Variants in ASIC2 observed in about 807,000 individuals in gnomAD.
The protein encoded by ASIC2 is acid sensing ion channel subunit 2, also known as acid-sensing ion channel 2.
ASIC2 carries 25 observed loss-of-function variants against 57.3 expected under a neutral mutation model. The observed-to-expected ratio is 0.44, with a 90% CI of 0.32 to 0.61. The LOEUF is 0.61. Among genes scored for constraint, ASIC2 ranks in the 20% least tolerant of loss-of-function variants. The pLI, the probability that ASIC2 is intolerant of heterozygous loss-of-function variation, is 0.06. For synonymous variants in ASIC2, 319 were observed against 307.5 expected (o/e 1.04, Z -0.39); for missense variants, 641 against 738.1 (o/e 0.87, Z 1.52).
rs1305195881 is a variant in ASIC2, at chr17:33,060,931, T to C, written c.987+27932A>G. ...TTATTGTCTTTGAAGCAACTGTGAA[T>C]GGGAGTTCATTCATGATTTGGCTCT... On this transcript the variant is annotated intron_variant, in intron 3 of 9. Coordinates refer to ENST00000225823, the MANE Select transcript of ASIC2 (RefSeq NM_183377.2). Among the ~76,000 whole-genome samples the C allele has an allele frequency of 3.9e-5, 6 of 152,220 alleles. No homozygotes were observed. In the East Asian group the frequency reaches 7.7e-4, roughly 20 times the overall value.
intron 1 of ASIC2, among the ~76,000 whole-genome samples, chr17:33,184,476 A>G (rs55859563): frequency 0.02 from 3,110 of 152,240 alleles, 115 homozygotes; most frequent in African/African-American, 0.069. Flanking sequence ...TCTCCATGAC[A>G]TGTGGTCAGC....
chr17:33,789,707 T>C (rs964769047), intron 1 of ASIC2, among the ~76,000 whole-genome samples: 13 of 152,194 alleles, frequency 8.5e-5, no homozygotes, highest in Admixed American at 8.5e-4. Flanking sequence ...ATTTGAGAAG[T>C]CTTGGCATCT....
rs547628700 is a variant in ASIC2, at chr17:33,135,148, C to T, written c.709-23081G>A. On this transcript the variant is annotated intron_variant, in intron 1 of 9. Transcript: ENST00000225823. ...CCAGGATGAAGTTCATTCCGCTTAG[C>T]CCTGCTGCCCTCATGAACGTCCTGC... is the stretch of plus-strand genomic sequence containing the variant. Among the ~76,000 whole-genome samples the T allele has an allele frequency of 3.3e-5, 5 of 152,162 alleles. No individual in the cohort carries two copies. The East Asian group carries it at 9.7e-4, about 29-fold the overall frequency.
chr17:34,065,494 A>T (rs1435570371), intron 1 of ASIC2, among the ~76,000 whole-genome samples: 1 of 152,214 alleles, frequency 6.6e-6, no homozygotes, highest in Non-Finnish European at 1.5e-5. Context: ...CCTGTACCCC[A>T]ATAACTTGTG....
chr17:33,508,881 A>G (rs1260589896), intron 1 of ASIC2, among the ~76,000 whole-genome samples: 2 of 152,094 alleles, frequency 1.3e-5, no homozygotes, highest in Non-Finnish European at 2.9e-5. Flanking sequence ...TGGAAGGGTG[A>G]CCTCTTACTT....
At chr17:33,887,250 G>A (rs56174865) in intron 1 of ASIC2, among the ~76,000 whole-genome samples, 25,748 of 152,086 alleles carry the variant, frequency 0.17, 2,316 homozygotes, top group African/African-American at 0.23. Flanking sequence ...GTACTGCTAC[G>A]TACCAGAACA....
intron 1 of ASIC2, among the ~76,000 whole-genome samples, chr17:33,856,237 CA>C (rs1188797242): frequency 6.6e-6 from 1 of 152,070 alleles, no homozygotes; most frequent in East Asian, 1.9e-4. Flanking sequence ...ATCATCTGTA[CA>C]ATAGGAAAAA....
intron 1 of ASIC2, among the ~76,000 whole-genome samples, chr17:33,697,299 G>A (rs1252488524): frequency 6.6e-6 from 1 of 152,110 alleles, no homozygotes; most frequent in Non-Finnish European, 1.5e-5. Flanking sequence ...CTAATACATG[G>A]ATCATCATAA....
At chr17:33,232,406 A>AATGGTATGGTATGGTATGGT (rs1160468658) in intron 1 of ASIC2, among the ~76,000 whole-genome samples, 4 of 136,152 alleles carry the variant, frequency 2.9e-5, no homozygotes, top group African/African-American at 1.2e-4. Flanking sequence ...TATGGTATGG[A>AATGGTATGGTATGGTATGGT]ATGGTATGGT....
At chr17:33,809,173 C>T (rs1402948815) in intron 1 of ASIC2, among the ~76,000 whole-genome samples, 1 of 152,156 alleles carries the variant, frequency 6.6e-6, no homozygotes, top group Non-Finnish European at 1.5e-5. Context: ...TGGCACTGTC[C>T]TCTGTGCACT....
intron 1 of ASIC2, among the ~76,000 whole-genome samples, chr17:33,919,052 G>A (rs755935204): frequency 6.6e-6 from 1 of 152,206 alleles, no homozygotes; most frequent in Non-Finnish European, 1.5e-5. Context: ...CCCCACCAGA[G>A]TTCCTGAGCA....
intron 1 of ASIC2, among the ~76,000 whole-genome samples, chr17:33,530,405 C>T (rs59324688): frequency 0.014 from 2,126 of 152,304 alleles, 56 homozygotes; most frequent in African/African-American, 0.049. Context: ...GAGGTCAGTC[C>T]CCTTTGTCTG....
chr17:33,953,509 A>G (rs1904642585), intron 1 of ASIC2, among the ~76,000 whole-genome samples: 1 of 152,188 alleles, frequency 6.6e-6, no homozygotes, highest in Admixed American at 6.5e-5. Flanking sequence ...ACAATAGACC[A>G]GATTCAAATC....
chr17:33,765,950 C>T (rs1182079302), intron 1 of ASIC2, among the ~76,000 whole-genome samples: 1 of 152,206 alleles, frequency 6.6e-6, no homozygotes, highest in East Asian at 1.9e-4. Context: ...AGCAGAGCTG[C>T]TTGGGAAGGG....
At chr17:33,085,080 T>C (rs917112232) in intron 3 of ASIC2, among the ~76,000 whole-genome samples, 3 of 152,212 alleles carry the variant, frequency 2.0e-5, no homozygotes, top group African/African-American at 7.2e-5. Flanking sequence ...TTTAAGTCAC[T>C]AGTTCCTCTT....
At chr17:33,836,084 A>G (rs1913265913) in intron 1 of ASIC2, among the ~76,000 whole-genome samples, 1 of 147,230 alleles carries the variant, frequency 6.8e-6, no homozygotes, top group African/African-American at 2.5e-5. Flanking sequence ...ACACACACAC[A>G]TATATAATTA....
chr17:33,846,259 A>G (rs1341271668), intron 1 of ASIC2, among the ~76,000 whole-genome samples: 1 of 152,132 alleles, frequency 6.6e-6, no homozygotes, highest in Admixed American at 6.5e-5. Context: ...TGTACCTGTG[A>G]GAGGAAATTC....
intron 1 of ASIC2, among the ~76,000 whole-genome samples, chr17:33,251,465 G>C (rs931271526): frequency 3.3e-5 from 5 of 152,160 alleles, no homozygotes; most frequent in African/African-American, 1.2e-4. Context: ...AAGTAACTGA[G>C]ACTACAGGTG....
At chr17:34,153,738 G>A (rs1904614083) in intron 1 of ASIC2, among the ~76,000 whole-genome samples, 1 of 152,194 alleles carries the variant, frequency 6.6e-6, no homozygotes, top group African/African-American at 2.4e-5. Context: ...TGATGGGGAA[G>A]GTCACACATA....
Sources: gnomAD v4.1 joint callset for allele counts (sites outside exome capture counted in the v4.1 genomes callset) on GRCh38, gnomAD v4.1.1 for gene constraint, MANE v1.5 for transcripts, NCBI Gene and HGNC (gene_info 2026-07-23, HGNC 2026-07-21) for gene names.